Variants in TMEM26 observed in about 807,000 individuals in gnomAD.
TMEM26 encodes the protein transmembrane protein 26.
In TMEM26, 38 loss-of-function variants were observed where a neutral mutation model predicts 28.8. The observed-to-expected ratio is 1.32, with a 90% CI of 1.02 to 1.73. TMEM26 has a LOEUF of 1.73. Ranked by LOEUF, TMEM26 falls within the 40% of genes most tolerant of loss-of-function variation. TMEM26 has a pLI of 0.00. For synonymous variants in TMEM26, 227 were observed against 182.9 expected (o/e 1.24, Z -1.95); for missense variants, 518 against 447.1 (o/e 1.16, Z -1.43).
intron 1 of TMEM26, among the ~76,000 whole-genome samples, chr10:61,448,375 C>T (rs1317914548): frequency 6.6e-6 from 1 of 152,206 alleles, no homozygotes. Flanking sequence ...TAACTGGTCC[C>T]AAAAGGGATG....
rs755888513 is a variant in TMEM26, at chr10:61,453,105, G to T, written c.-24C>A. 9.4e-6 allele frequency: 15 copies of T among 1,604,066 alleles called. No individual in the cohort carries two copies. The highest frequency in any genetic ancestry group is 1.3e-5 in the Non-Finnish European group (15 of 1,174,710). Reference sequence around the variant, plus strand: ...ATGCTGGCCGGAGCACTCTGCCTACGTCCCCTTGCCTGCGCCCCCAGGACC... The same window carrying T: ...ATGCTGGCCGGAGCACTCTGCCTACTTCCCCTTGCCTGCGCCCCCAGGACC... On this transcript the variant is annotated 5_prime_UTR_variant, in exon 1 of 6. Transcript: ENST00000399298.
intron 3 of TMEM26, 148 bp from the exon 4 acceptor site, chr10:61,429,294 C>T (rs1484027407): frequency 1.5e-5 from 10 of 660,904 alleles, no homozygotes; most frequent in South Asian, 3.9e-5. Flanking sequence ...AAGTAAAATG[C>T]CTTTCAGCTG....
chr10:61,434,887 CA>C (rs1839979112), intron 2 of TMEM26, among the ~76,000 whole-genome samples: 2 of 152,148 alleles, frequency 1.3e-5, no homozygotes, highest in African/African-American at 4.8e-5. Flanking sequence ...CCAACTATAA[CA>C]AAGAAATCTA....
intron 4 of TMEM26, among the ~76,000 whole-genome samples, chr10:61,419,941 A>T (rs1839716042): frequency 6.6e-6 from 1 of 152,144 alleles, no homozygotes; most frequent in Non-Finnish European, 1.5e-5. Context: ...TTGAGTCATC[A>T]TGTACAGAGT....
chr10:61,435,320 A>T (rs1301290411), intron 2 of TMEM26, among the ~76,000 whole-genome samples: 1 of 152,136 alleles, frequency 6.6e-6, no homozygotes, highest in Non-Finnish European at 1.5e-5. Context: ...AGCTGAAGTT[A>T]CACAAGCATG....
chr10:61,409,374 A>AG lies in TMEM26; in HGVS notation c.*947dup, dbSNP rs1425667057. On this transcript the variant is annotated 3_prime_UTR_variant, in exon 6 of 6. Coordinates refer to ENST00000399298, the MANE Select transcript of TMEM26 (RefSeq NM_178505.8). ...TTCCCTGAGAGCAAAGGCCACTTCC[A>AG]GTAGTCGCGGTTCAAAGAAGCTGCA... 6.6e-6 allele frequency: 1 copy of AG among 152,216 alleles called. No homozygotes were observed. The highest frequency in any genetic ancestry group is 1.5e-5 in the Non-Finnish European group (1 of 68,072). The allele number at this position is 152,216 out of a possible 1,614,324, so 9.4% of individuals were successfully genotyped here.
chr10:61,428,463 C>T (rs903067659), intron 4 of TMEM26, among the ~76,000 whole-genome samples: 1 of 152,038 alleles, frequency 6.6e-6, no homozygotes, highest in African/African-American at 2.4e-5. Context: ...AATGCAAATC[C>T]CCAAATGGAT....
intron 5 of TMEM26, among the ~76,000 whole-genome samples, chr10:61,411,076 G>T (rs773084984): frequency 1.2e-4 from 18 of 152,156 alleles, no homozygotes; most frequent in Non-Finnish European, 2.6e-4. Flanking sequence ...GCTGCACCAT[G>T]GGGGGAATAA....
intron 1 of TMEM26, among the ~76,000 whole-genome samples, chr10:61,439,488 A>G (rs1388950337): frequency 2.0e-5 from 3 of 152,232 alleles, no homozygotes; most frequent in Non-Finnish European, 1.5e-5. Flanking sequence ...AATAGAGACT[A>G]CTGATATCTA....
intron 1 of TMEM26, among the ~76,000 whole-genome samples, chr10:61,449,814 C>G (rs1840246979): frequency 6.6e-6 from 1 of 151,916 alleles, no homozygotes; most frequent in Non-Finnish European, 1.5e-5. Flanking sequence ...TTCTCCTCCT[C>G]CTTTGCTCCT....
At chr10:61,414,139 A>G (rs1027242877) in intron 4 of TMEM26, 12 of 753,330 alleles carry the variant, frequency 1.6e-5, no homozygotes, top group Admixed American at 6.3e-5. Flanking sequence ...CTTGATGGAT[A>G]CAACATATAT....
Position 61,453,257 on chromosome 10 carries a change from C to T in TMEM26, c.-176G>A. 4.7e-6 allele frequency: 3 copies of T among 645,062 alleles called. No homozygotes were observed. Among genetic ancestry groups the T allele is most frequent in the South Asian group, 2.0e-5 (1 of 51,066 alleles). The allele number at this position is 645,062 out of a possible 1,614,324, so 40.0% of individuals were successfully genotyped here. On this transcript the variant is annotated 5_prime_UTR_variant, in exon 1 of 6. Transcript: ENST00000399298. ...TAGAACTGGTGCGCGGCTCGCCCCT[C>T]CCCCAAACTTCCTGAGAACTCTTCA...
chr10:61,411,801 T>A (rs1839573506), intron 5 of TMEM26, among the ~76,000 whole-genome samples: 1 of 151,670 alleles, frequency 6.6e-6, no homozygotes, highest in Admixed American at 6.6e-5. Flanking sequence ...CCATTTGGAG[T>A]TTTCAAACAA....
intron 1 of TMEM26, among the ~76,000 whole-genome samples, chr10:61,449,167 C>T (rs550954485): frequency 6.6e-6 from 1 of 152,048 alleles, no homozygotes; most frequent in African/African-American, 2.4e-5. Flanking sequence ...AAAAAGCAAA[C>T]TCCAGGAGTA....
At chr10:61,434,875 G>A (rs1368122178) in intron 2 of TMEM26, among the ~76,000 whole-genome samples, 1 of 152,172 alleles carries the variant, frequency 6.6e-6, no homozygotes, top group African/African-American at 2.4e-5. Context: ...GCTATAAAAT[G>A]ACCAACTATA....
At chr10:61,435,660 A>G (rs1839993118) in intron 2 of TMEM26, among the ~76,000 whole-genome samples, 1 of 152,224 alleles carries the variant, frequency 6.6e-6, no homozygotes, top group African/African-American at 2.4e-5. Context: ...AATCTGCATA[A>G]CCTGCATTTT....
intron 4 of TMEM26, among the ~76,000 whole-genome samples, chr10:61,425,883 A>AT (rs962408856): frequency 1.3e-5 from 2 of 152,154 alleles, no homozygotes; most frequent in East Asian, 1.9e-4. Flanking sequence ...ATCTCAGCAG[A>AT]TTTTTTTAAA....
rs970601519 is a variant in TMEM26 at position 61,408,554 on chromosome 10, A to G, written c.*1768T>C. 1 of 152,278 alleles carries G rather than the reference A, an allele frequency of 6.6e-6. No individual in the cohort carries two copies. The highest frequency in any genetic ancestry group is 1.5e-5 in the Non-Finnish European group (1 of 68,048). 9.4% of individuals were successfully genotyped at this position (152,278 alleles called of 1,614,324 possible). A position where few individuals can be genotyped will look rare whatever the true frequency, so the allele number is the denominator to read the frequency against. On this transcript the variant is annotated 3_prime_UTR_variant, in exon 6 of 6. Transcript: ENST00000399298. ...AAATATTCAACATAAAGCAGTCAACATAAAAACAGATTCTGCTGAGGCATT... is the reference window on the plus strand; with the variant it reads ...AAATATTCAACATAAAGCAGTCAACGTAAAAACAGATTCTGCTGAGGCATT...
At chr10:61,424,236 CA>C (rs777172105) in intron 4 of TMEM26, among the ~76,000 whole-genome samples, 3 of 152,022 alleles carry the variant, frequency 2.0e-5, no homozygotes, top group Admixed American at 6.6e-5. Context: ...GATCATCATA[CA>C]GAAGTAAACT....
Sources: gnomAD v4.1 joint callset for allele counts (sites outside exome capture counted in the v4.1 genomes callset) on GRCh38, gnomAD v4.1.1 for gene constraint, MANE v1.5 for transcripts, NCBI Gene and HGNC (gene_info 2026-07-23, HGNC 2026-07-21) for gene names.